Variants in ZZZ3 observed in about 807,000 individuals in gnomAD.
The protein encoded by ZZZ3 is ZZ-type zinc finger-containing protein 3.
In ZZZ3, 22 loss-of-function variants were observed where a neutral mutation model predicts 95.2. The observed-to-expected ratio is 0.23, with a 90% CI of 0.17 to 0.33. The LOEUF (loss-of-function observed/expected upper bound fraction) is 0.33, where lower values mean the gene tolerates loss of function less well. Among genes scored for constraint, ZZZ3 ranks in the 10% least tolerant of loss-of-function variants. The pLI is 1.00. For synonymous variants in ZZZ3, 335 were observed against 358.9 expected (o/e 0.93, Z 0.75); for missense variants, 885 against 1,066.5 (o/e 0.83, Z 2.37).
chr1:77,645,261 G>T (rs980236560), intron 1 of ZZZ3: 6 of 152,116 alleles, frequency 3.9e-5, no homozygotes, highest in African/African-American at 1.4e-4. Context: ...TTAATTAAAA[G>T]AAATAAAACT....
intron 6 of ZZZ3, among the ~76,000 whole-genome samples, chr1:77,584,023 C>T (rs1330454048): frequency 6.6e-6 from 1 of 152,158 alleles, no homozygotes; most frequent in Non-Finnish European, 1.5e-5. Context: ...TATACTTCTT[C>T]CTCATGGACT....
At chr1:77,618,586 T>C (rs759740140) in intron 5 of ZZZ3, among the ~76,000 whole-genome samples, 1 of 152,194 alleles carries the variant, frequency 6.6e-6, no homozygotes, top group Non-Finnish European at 1.5e-5. Context: ...TCATGAGGTC[T>C]GCCTCGAATT....
chr1:77,635,263 T>G (rs186031122), intron 4 of ZZZ3, among the ~76,000 whole-genome samples: 14 of 152,320 alleles, frequency 9.2e-5, no homozygotes, highest in African/African-American at 3.1e-4. Context: ...TCTCAAAGTA[T>G]GGCATACTTT....
chr1:77,674,112 T>C (rs971113681), intron 1 of ZZZ3, among the ~76,000 whole-genome samples: 3 of 151,606 alleles, frequency 2.0e-5, no homozygotes, highest in South Asian at 2.1e-4. Flanking sequence ...AAAAAGGTCA[T>C]TAAAACACAA....
In ZZZ3 at chr1:77,581,792, G is replaced by A. The variant is rs375858691; in HGVS notation, c.1892C>T (p.Ser631Leu). 11 of 1,613,056 alleles carry A rather than the reference G, an allele frequency of 6.8e-6. No individual in the cohort carries two copies. Among genetic ancestry groups the A allele is most frequent in the African/African-American group, 2.7e-5 (2 of 74,884 alleles). ...MLPLSDGPEGSSSRPQMIRGR... is the reference protein window; with the variant it reads ...MLPLSDGPEGLSSRPQMIRGR... ...ACTGCTTACCTGAGGACGACTGCTT[G>A]AGCCTTCTGGACCATCACTCAAAGG... The change falls in exon 8 of 15, where the codon TCA becomes TTA. Residue 631 changes from serine to leucine, a missense_variant. Transcript: ENST00000370801.
At chr1:77,623,904 A>G (rs1028639987) in intron 5 of ZZZ3, among the ~76,000 whole-genome samples, 2 of 152,164 alleles carry the variant, frequency 1.3e-5, no homozygotes, top group African/African-American at 4.8e-5. Flanking sequence ...AACAAACAAA[A>G]AGATTCCACT....
intron 1 of ZZZ3, among the ~76,000 whole-genome samples, chr1:77,650,463 C>A (rs568536091): frequency 6.6e-6 from 1 of 151,916 alleles, no homozygotes; most frequent in Non-Finnish European, 1.5e-5. Flanking sequence ...AAATACAACT[C>A]GAAAATCCTC....
At chr1:77,623,374 A>G (rs1440771028) in intron 5 of ZZZ3, among the ~76,000 whole-genome samples, 4 of 152,216 alleles carry the variant, frequency 2.6e-5, no homozygotes, top group African/African-American at 7.2e-5. Flanking sequence ...CTGCACACAC[A>G]TAAGATGAGA....
intron 6 of ZZZ3, among the ~76,000 whole-genome samples, chr1:77,582,654 T>A (rs1662636543): frequency 7.1e-6 from 1 of 139,994 alleles, no homozygotes; most frequent in African/African-American, 2.6e-5. Context: ...CATAGGACTT[T>A]CATGGTAATT....
At chr1:77,679,357 G>A (rs1299050651) in intron 1 of ZZZ3, among the ~76,000 whole-genome samples, 1 of 152,178 alleles carries the variant, frequency 6.6e-6, no homozygotes, top group East Asian at 1.9e-4. Flanking sequence ...CCAGGCTGGA[G>A]TGCAATGGTG....
At chr1:77,654,055 G>A (rs2100979740) in intron 1 of ZZZ3, among the ~76,000 whole-genome samples, 1 of 152,006 alleles carries the variant, frequency 6.6e-6, no homozygotes, top group Middle Eastern at 3.4e-3. Context: ...AGGTGTGGTA[G>A]CAGGCGCCTG....
chr1:77,623,430 A>G lies in ZZZ3; in HGVS notation c.1505+8420T>C, dbSNP rs1470752517. ...ACAACTACCAAGGAGCTATATAAAGAACAACTAACAGTGTCCTCATAAGGC... is the reference window on the plus strand; with the variant it reads ...ACAACTACCAAGGAGCTATATAAAGGACAACTAACAGTGTCCTCATAAGGC... On this transcript the variant is annotated intron_variant, in intron 5 of 14. Coordinates refer to ENST00000370801, the MANE Select transcript of ZZZ3 (RefSeq NM_015534.6). 3.9e-5 allele frequency among the ~76,000 whole-genome samples: 6 copies of G among 152,332 alleles called. No homozygotes were observed. The East Asian group carries it at 1.2e-3, about 29-fold the overall frequency.
chr1:77,581,363 C>T (rs912870943), intron 8 of ZZZ3, among the ~76,000 whole-genome samples: 2 of 152,128 alleles, frequency 1.3e-5, no homozygotes, highest in Admixed American at 1.3e-4. Flanking sequence ...AACATGTCCA[C>T]TGAGGTTCAT....
At chr1:77,672,560 G>GT (rs1261420295) in intron 1 of ZZZ3, among the ~76,000 whole-genome samples, 1 of 152,124 alleles carries the variant, frequency 6.6e-6, no homozygotes, top group Non-Finnish European at 1.5e-5. Context: ...GTCTCCTGAC[G>GT]TACTAAATCT....
rs139127516 is a variant in ZZZ3 at position 77,639,667 on chromosome 1, C to T, written c.-205-65G>A. 8.4e-4 allele frequency: 326 copies of T among 388,788 alleles called. 6 individuals carry two copies. The East Asian group carries it at 8.6e-3, about 10-fold the overall frequency. 24.1% of individuals were successfully genotyped at this position (388,788 alleles called of 1,614,324 possible). A position where few individuals can be genotyped will look rare whatever the true frequency, so the allele number is the denominator to read the frequency against. On this transcript the variant is annotated intron_variant, in intron 3 of 14. Transcript: ENST00000370801. ...TGATGAACTTATGCTAATAGATTTA[C>T]TCCTTCTATAATAAGAAGAAATACA...
Position 77,632,898 on chromosome 1 carries a change from T to C in ZZZ3, c.457A>G (p.Asn153Asp), listed in dbSNP as rs1279082546. Residue 153 changes from asparagine to aspartate, a missense_variant, in exon 5 of 15, where the codon AAT becomes GAT. Coordinates refer to ENST00000370801, the MANE Select transcript of ZZZ3 (RefSeq NM_015534.6). ...SVEQRSTVVD[N>D]DADFQGTKRA... ...TTAGTCCCTTGAAAATCTGCATCAT[T>C]GTCCACTACTGTACTCCTCTGTTCT... 3.7e-6 allele frequency: 6 copies of C among 1,614,078 alleles called. No homozygotes were observed. In the South Asian group the frequency reaches 6.6e-5, roughly 18 times the overall value.
chr1:77,605,493 T>A (rs1665142699), intron 5 of ZZZ3, among the ~76,000 whole-genome samples: 1 of 152,168 alleles, frequency 6.6e-6, no homozygotes, highest in African/African-American at 2.4e-5. Flanking sequence ...GGGGGGCATG[T>A]GACCTACTGA....
intron 1 of ZZZ3, among the ~76,000 whole-genome samples, chr1:77,644,256 G>A (rs1669059480): frequency 6.6e-6 from 1 of 151,778 alleles, no homozygotes; most frequent in Admixed American, 6.6e-5. Context: ...AGTAGAGATG[G>A]GGTTTTGCCA....
intron 5 of ZZZ3, 149 bp downstream of exon 5, chr1:77,631,701 T>G: frequency 1.7e-6 from 1 of 590,596 alleles, no homozygotes; most frequent in Non-Finnish European, 2.8e-6. Context: ...TTTTTTGGAG[T>G]TTTTCTAAGA....
Sources: gnomAD v4.1 joint callset for allele counts (sites outside exome capture counted in the v4.1 genomes callset) on GRCh38, gnomAD v4.1.1 for gene constraint, MANE v1.5 for transcripts, NCBI Gene and HGNC (gene_info 2026-07-23, HGNC 2026-07-21) for gene names.